The following ASCC3 variants were observed in gnomAD, a reference collection of about 807,000 sequenced individuals.
The protein encoded by ASCC3 is activating signal cointegrator 1 complex subunit 3, also known as ASC-1 complex subunit P200.
In ASCC3, 158 loss-of-function variants were observed where a neutral mutation model predicts 256.3. The observed-to-expected ratio is 0.62, with a 90% CI of 0.54 to 0.70. The LOEUF is 0.70. ASCC3 is among the 30% of genes least tolerant of loss of function. ASCC3 has a pLI of 0.00. For missense variants in ASCC3, 2,259 were observed against 2,626.0 expected, an observed-to-expected ratio of 0.86 and a Z score of 3.05; for synonymous variants, 948 against 883.4, an observed-to-expected ratio of 1.07 and a Z score of -1.30.
intron 14 of ASCC3, among the ~76,000 whole-genome samples, chr6:100,668,271 G>A (rs759035226): frequency 1.3e-5 from 2 of 151,856 alleles, no homozygotes; most frequent in African/African-American, 2.4e-5. Context: ...TCAGCAAAAC[G>A]AAAATATCAC....
At chr6:100,816,301 C>T (rs9498396) in intron 4 of ASCC3, among the ~76,000 whole-genome samples, 5,075 of 152,236 alleles carry the variant, frequency 0.033, 131 homozygotes, top group African/African-American at 0.073. Context: ...CACTTATACA[C>T]TGCTGGTGGG....
chr6:100,772,420 A>G (rs749638866), intron 8 of ASCC3, among the ~76,000 whole-genome samples: 16 of 152,266 alleles, frequency 1.1e-4, no homozygotes, highest in Non-Finnish European at 1.8e-4. Flanking sequence ...GTCCATCGAC[A>G]GATAAATGGA....
chr6:100,722,602 T>C (rs1454918228), intron 11 of ASCC3, among the ~76,000 whole-genome samples: 2 of 151,822 alleles, frequency 1.3e-5, no homozygotes, highest in Admixed American at 6.6e-5. Context: ...TAGAACTATG[T>C]AGCTGGTACA....
At position 100,818,582 on chromosome 6, in the gene ASCC3, AAAG is replaced by A. The variant is rs1252652823; in HGVS notation, c.802-12705_802-12703del. Among the ~76,000 whole-genome samples the A allele has an allele frequency of 1.0e-3, 152 of 150,112 alleles. 1 individual carries two copies. The highest frequency in any genetic ancestry group is 2.8e-3 in the African/African-American group (115 of 41,206). ...AGACTCCGTCTCAAAAAAAAAAAAA[AAAG>A]AAGAAGAAAAATCTGCAGCTAACAT... On this transcript the variant is annotated intron_variant, in intron 4 of 41. Transcript: ENST00000369162.
chr6:100,622,153 T>C (rs1773982411), intron 30 of ASCC3, among the ~76,000 whole-genome samples: 1 of 152,064 alleles, frequency 6.6e-6, no homozygotes, highest in Admixed American at 6.6e-5. Context: ...GGTGATGGAT[T>C]GATCTGTGCA....
chr6:100,518,593 G>T (rs754415071), intron 37 of ASCC3, among the ~76,000 whole-genome samples: 1 of 152,010 alleles, frequency 6.6e-6, no homozygotes, highest in Non-Finnish European at 1.5e-5. Context: ...TTTCTCCAAA[G>T]AACAGCCTAA....
At chr6:100,846,279 T>C (rs1402247756) in intron 4 of ASCC3, among the ~76,000 whole-genome samples, 2 of 152,130 alleles carry the variant, frequency 1.3e-5, no homozygotes, top group African/African-American at 4.8e-5. Flanking sequence ...AACAACAGAA[T>C]ATAACATATA....
chr6:100,567,713 T>C (rs1201710134), intron 36 of ASCC3, among the ~76,000 whole-genome samples: 1 of 152,236 alleles, frequency 6.6e-6, no homozygotes, highest in Non-Finnish European at 1.5e-5. Flanking sequence ...TCCATGTTGT[T>C]GCAAAGGACA....
intron 36 of ASCC3, among the ~76,000 whole-genome samples, chr6:100,560,748 A>AACACACACACACACACAC (rs747539213): frequency 1.5e-5 from 2 of 133,946 alleles, no homozygotes; most frequent in African/African-American, 2.8e-5. Flanking sequence ...ATCTTAGAGG[A>AACACACACACACACACAC]ACACACACAC....
chr6:100,828,503 G>A (rs1338715709), intron 4 of ASCC3, among the ~76,000 whole-genome samples: 2 of 152,060 alleles, frequency 1.3e-5, no homozygotes, highest in Admixed American at 6.5e-5. Flanking sequence ...GCGGACCCTC[G>A]CAGTGAGTGT....
intron 4 of ASCC3, among the ~76,000 whole-genome samples, chr6:100,843,609 G>A (rs1289203546): frequency 6.6e-6 from 1 of 152,070 alleles, no homozygotes; most frequent in East Asian, 1.9e-4. Context: ...TAGCCTTTCA[G>A]ATCCCACTTT....
rs1015852851 is a variant in ASCC3 at position 100,867,972 on chromosome 6, G to C, written c.26C>G (p.Ala9Gly). The change falls in exon 2 of 42, where the codon GCC becomes GGC. Residue 9 changes from alanine to glycine, a missense_variant. This residue lies in a region of ASCC3 where 420 missense variants were observed against 419.3 expected (regional missense o/e 1.00). Transcript: ENST00000369162. The part of the protein sequence containing the change: MALPRLTG[A>G]LRSFSNVTKQ... ...GGTGACATTTGAAAAGGAACGCAAG[G>C]CTCCTGTGAGACGAGGTAAAGCCAT... 1 of 1,613,730 alleles carries C rather than the reference G, an allele frequency of 6.2e-7. No individual in the cohort carries two copies. Among genetic ancestry groups the C allele is most frequent in the South Asian group, 1.1e-5 (1 of 91,048 alleles).
intron 3 of ASCC3, among the ~76,000 whole-genome samples, chr6:100,862,355 A>C (rs1042251258): frequency 2.6e-5 from 4 of 152,220 alleles, no homozygotes; most frequent in African/African-American, 9.6e-5. Flanking sequence ...TTCACAACTT[A>C]AAACAATGAG....
chr6:100,557,339 T>C (rs1176524288), intron 36 of ASCC3, among the ~76,000 whole-genome samples: 1 of 152,186 alleles, frequency 6.6e-6, no homozygotes, highest in Non-Finnish European at 1.5e-5. Flanking sequence ...TGTTATGTTG[T>C]GCTTTTATTT....
intron 13 of ASCC3, among the ~76,000 whole-genome samples, chr6:100,689,441 C>G (rs1273529299): frequency 6.6e-6 from 1 of 152,164 alleles, no homozygotes; most frequent in South Asian, 2.1e-4. Flanking sequence ...TTTGCCATTT[C>G]AAAGCCTACT....
chr6:100,756,114 C>CA (rs143437788), intron 10 of ASCC3, among the ~76,000 whole-genome samples: 2,197 of 151,434 alleles, frequency 0.015, 45 homozygotes, highest in African/African-American at 0.051. Flanking sequence ...TGCTATTAAA[C>CA]AAAAAACCAC....
chr6:100,602,046 T>A, intron 33 of ASCC3, 111 bp from the exon 34 acceptor site: 1 of 1,143,234 alleles, frequency 8.7e-7, no homozygotes, highest in Non-Finnish European at 1.2e-6. Context: ...AAAAACAAAT[T>A]TGTTTTATAT....
At position 100,785,694 on chromosome 6, in the gene ASCC3, G is replaced by A. The variant is rs561300556; in HGVS notation, c.1395+13019C>T. Among the ~76,000 whole-genome samples, 58 of 152,284 alleles carry A rather than the reference G, an allele frequency of 3.8e-4. 1 individual carries two copies. The South Asian group carries it at 0.011, about 30-fold the overall frequency. ...CCCAAAGTGCTAGGATTACAGGTGT[G>A]AGCCACCATGCCCAGCTCATTTACA... On this transcript the variant is annotated intron_variant, in intron 8 of 41. Transcript: ENST00000369162.
intron 36 of ASCC3, among the ~76,000 whole-genome samples, chr6:100,584,103 C>G (rs1409072658): frequency 6.6e-6 from 1 of 151,446 alleles, no homozygotes. Context: ...TCTATTAGGT[C>G]TGCTTGGTGC....
Sources: gnomAD v4.1 joint callset for allele counts (sites outside exome capture counted in the v4.1 genomes callset) on GRCh38, gnomAD v4.1.1 for gene constraint, gnomAD v4.1.1 regional missense constraint, MANE v1.5 for transcripts, NCBI Gene and HGNC (gene_info 2026-07-23, HGNC 2026-07-21) for gene names.